The following VWA3B variants were observed in gnomAD, a reference collection of about 807,000 sequenced individuals.
VWA3B encodes von Willebrand factor A domain containing 3B.
In VWA3B, 138 loss-of-function variants were observed where a neutral mutation model predicts 158.3. The ratio of observed to expected loss-of-function variants is 0.87; its 90% CI spans 0.76 to 1.00. The LOEUF is 1.00. VWA3B is among the 50% of genes least tolerant of loss of function. The pLI is 0.00. For synonymous variants in VWA3B, 596 were observed against 587.3 expected (o/e 1.01, Z -0.21); for missense variants, 1,555 against 1,565.1 (o/e 0.99, Z 0.11).
At chr2:98,088,642 T>A (rs1020573112) in intron 1 of VWA3B, among the ~76,000 whole-genome samples, 4 of 152,246 alleles carry the variant, frequency 2.6e-5, no homozygotes, top group Non-Finnish European at 5.9e-5. Context: ...TGTTGTTGTT[T>A]CCGACTTCTG....
At chr2:98,266,863 A>G (rs1437211914) in intron 21 of VWA3B, among the ~76,000 whole-genome samples, 12 of 148,814 alleles carry the variant, frequency 8.1e-5, no homozygotes, top group South Asian at 2.2e-4. Flanking sequence ...TTATTGGTGT[A>G]TAAGAATGCT....
At chr2:98,301,390 A>AC (rs1355759366) in intron 25 of VWA3B, among the ~76,000 whole-genome samples, 2 of 151,592 alleles carry the variant, frequency 1.3e-5, no homozygotes, top group African/African-American at 4.8e-5. Context: ...AGGTTGCTTC[A>AC]CCCCCTGAGA....
At chr2:98,108,207 C>T (rs1673829370) in intron 2 of VWA3B, among the ~76,000 whole-genome samples, 1 of 151,824 alleles carries the variant, frequency 6.6e-6, no homozygotes, top group Non-Finnish European at 1.5e-5. Context: ...TAGTTTGTTC[C>T]CATCTTGGAC....
At chr2:98,112,303 G>GTGTGT (rs1674200980) in intron 2 of VWA3B, among the ~76,000 whole-genome samples, 1 of 136,836 alleles carries the variant, frequency 7.3e-6, no homozygotes, top group African/African-American at 2.8e-5. Flanking sequence ...TGTGTGTGTG[G>GTGTGT]GTGTGTGTGT....
At chr2:98,323,842 T>G in the VWA3B span, among the ~76,000 whole-genome samples, 1 of 152,212 alleles carries the variant, frequency 6.6e-6, no homozygotes, top group Non-Finnish European at 1.5e-5. Flanking sequence ...GCCTTCAAAA[T>G]GAAGGTGAGA....
In VWA3B at chr2:98,236,387, C is replaced by A; in HGVS notation, c.2429-3C>A. 6 of 1,614,176 alleles carry A rather than the reference C, an allele frequency of 3.7e-6. No individual in the cohort carries two copies. The highest frequency in any genetic ancestry group is 5.1e-6 in the Non-Finnish European group (6 of 1,180,034). On this transcript the variant is annotated splice_region_variant and splice_polypyrimidine_tract_variant and intron_variant, in intron 17 of 27. Coordinates refer to ENST00000477737, the MANE Select transcript of VWA3B (RefSeq NM_144992.5). ...TATACAACTGCCACTTCCCCTTCCA[C>A]AGAAATGAGCATCTTGCTGGCTGAG... is the stretch of plus-strand genomic sequence containing the variant.
rs375837016 is a variant in VWA3B, at chr2:98,194,404, A to G, written c.1649A>G (p.Asp550Gly). 6.2e-7 allele frequency: 1 copy of G among 1,614,092 alleles called. No homozygotes were observed. The highest frequency in any genetic ancestry group is 1.3e-5 in the African/African-American group (1 of 75,048). The change falls in exon 12 of 28, where the codon GAT (aspartate) becomes GGT (glycine). Residue 550 changes from aspartate to glycine, a missense_variant. Asp to Gly is a moderately conservative substitution (Grantham distance 94, BLOSUM62 -1). Coordinates refer to ENST00000477737, the MANE Select transcript of VWA3B (RefSeq NM_144992.5). ...YKSKFNFVKF[D>G]GQAVAWREQL... Reference sequence around the variant, plus strand: ...AGTAAGTTTAACTTTGTGAAGTTTGATGGTCAAGCAGTTGCTTGGCGGGAA... The same window carrying G: ...AGTAAGTTTAACTTTGTGAAGTTTGGTGGTCAAGCAGTTGCTTGGCGGGAA...
rs189839501 is a variant in VWA3B, at chr2:98,202,533, C to T, written c.1737+8041C>T. Among the ~76,000 whole-genome samples, 490 of 151,678 alleles carry T rather than the reference C, an allele frequency of 3.2e-3. 3 individuals are homozygous for T. Among genetic ancestry groups the T allele is most frequent in the African/African-American group, 0.011 (459 of 41,370 alleles). On this transcript the variant is annotated intron_variant, in intron 12 of 27. Coordinates refer to ENST00000477737, the MANE Select transcript of VWA3B (RefSeq NM_144992.5). ...TTCCTGCTATCTTTATTATTTTTCT[C>T]CTCCTACTTGCTTTGTTTTTTTAAA...
intron 21 of VWA3B, chr2:98,269,460 A>G (rs1688066997): frequency 6.6e-6 from 1 of 152,212 alleles, no homozygotes; most frequent in Non-Finnish European, 1.5e-5. Flanking sequence ...CCTGCAAAAT[A>G]TGCCACTGTT....
intron 21 of VWA3B, among the ~76,000 whole-genome samples, chr2:98,263,842 T>C (rs780583093): frequency 1.3e-5 from 2 of 152,038 alleles, no homozygotes; most frequent in Non-Finnish European, 2.9e-5. Context: ...TTTGGCAGAA[T>C]TCTCCAGTTA....
chr2:98,105,557 C>G (rs1365132213), intron 2 of VWA3B, among the ~76,000 whole-genome samples: 2 of 152,094 alleles, frequency 1.3e-5, no homozygotes, highest in African/African-American at 4.8e-5. Flanking sequence ...TTACATTTAG[C>G]CTGTGATCTA....
In VWA3B at chr2:98,133,914, G is replaced by A. The variant is rs773305952; in HGVS notation, c.963G>A (p.Arg321=). ...DGDNVMTWNS[R]KLKGKLPPGA... is the part of the protein sequence containing the mutation. ...ACAATGTGATGACTTGGAATTCAAG[G>A]AAACTGAAAGGAAAACTCCCTCCAG... The change falls in exon 7 of 28, where the codon AGG becomes AGA. Residue 321 remains arginine, a synonymous_variant. Coordinates refer to ENST00000477737, the MANE Select transcript of VWA3B (RefSeq NM_144992.5). 5.3e-5 allele frequency: 86 copies of A among 1,614,000 alleles called. No individual in the cohort carries two copies. The highest frequency in any genetic ancestry group is 6.9e-5 in the Non-Finnish European group (82 of 1,180,022).
intron 2 of VWA3B, among the ~76,000 whole-genome samples, chr2:98,096,545 A>G (rs1204858941): frequency 1.3e-5 from 2 of 152,190 alleles, no homozygotes; most frequent in African/African-American, 4.8e-5. Flanking sequence ...CTGGGATTAC[A>G]GGTGTGAGCC....
intron 2 of VWA3B, among the ~76,000 whole-genome samples, chr2:98,102,180 G>A (rs1683126174): frequency 6.6e-6 from 1 of 152,268 alleles, no homozygotes; most frequent in East Asian, 1.9e-4. Flanking sequence ...CAGAGAGCAC[G>A]GGGTTGGGGG....
chr2:98,155,215 T>C (rs1234164179), intron 7 of VWA3B, among the ~76,000 whole-genome samples: 1 of 152,228 alleles, frequency 6.6e-6, no homozygotes, highest in Non-Finnish European at 1.5e-5. Context: ...CTGGAGCCCC[T>C]GACCTTGGGG....
chr2:98,103,855 C>T (rs922144827), intron 2 of VWA3B, among the ~76,000 whole-genome samples: 2 of 152,032 alleles, frequency 1.3e-5, no homozygotes, highest in East Asian at 3.8e-4. Flanking sequence ...TCATTTCTCC[C>T]TTAGTTCTGT....
chr2:98,277,213 G>A (rs1462321825), intron 22 of VWA3B, among the ~76,000 whole-genome samples: 3 of 152,156 alleles, frequency 2.0e-5, no homozygotes, highest in Admixed American at 1.3e-4. Flanking sequence ...ATAATGACAG[G>A]AGAAATCTTA....
chr2:98,150,856 CAT>C (rs1317055155), intron 7 of VWA3B, among the ~76,000 whole-genome samples: 5 of 152,198 alleles, frequency 3.3e-5, no homozygotes, highest in African/African-American at 9.6e-5. Context: ...GAAGGACTGA[CAT>C]ATATCCTCCC....
intron 6 of VWA3B, among the ~76,000 whole-genome samples, chr2:98,131,911 A>G (rs1028728378): frequency 3.3e-5 from 5 of 152,124 alleles, no homozygotes; most frequent in African/African-American, 1.2e-4. Flanking sequence ...AGACTTTGGG[A>G]CTCTAAGGAC....
Sources: gnomAD v4.1 joint callset for allele counts (sites outside exome capture counted in the v4.1 genomes callset) on GRCh38, gnomAD v4.1.1 for gene constraint, MANE v1.5 for transcripts, NCBI Gene and HGNC (gene_info 2026-07-23, HGNC 2026-07-21) for gene names.